The following ITPR2 variants were observed in gnomAD, a reference collection of about 807,000 sequenced individuals.
The protein encoded by ITPR2 is inositol 1,4,5-trisphosphate receptor type 2.
In ITPR2, 207 loss-of-function variants were observed where a neutral mutation model predicts 317.1. The observed-to-expected ratio is 0.65, with a 90% confidence interval of 0.58 to 0.73. The LOEUF is 0.73. Among genes scored for constraint, ITPR2 ranks in the 30% least tolerant of loss-of-function variants. The pLI is 0.00. For synonymous variants in ITPR2, 1,156 were observed against 1,149.1 expected (o/e 1.01, Z -0.12); for missense variants, 2,613 against 3,284.0 (o/e 0.80, Z 4.99).
At chr12:26,830,349 ACAC>A (rs1336057767) in intron 1 of ITPR2, among the ~76,000 whole-genome samples, 1 of 152,262 alleles carries the variant, frequency 6.6e-6, no homozygotes, top group Non-Finnish European at 1.5e-5. Context: ...AACCTTCAAA[ACAC>A]CAACAAAAAA....
At chr12:26,748,077 G>A (rs532988884) in intron 2 of ITPR2, among the ~76,000 whole-genome samples, 2 of 152,068 alleles carry the variant, frequency 1.3e-5, no homozygotes, top group Admixed American at 6.5e-5. Context: ...TTGTTTTTTT[G>A]AGATGGAGTC....
intron 55 of ITPR2, among the ~76,000 whole-genome samples, chr12:26,384,982 A>T (rs923018055): frequency 2.6e-5 from 4 of 152,136 alleles, no homozygotes; most frequent in Admixed American, 6.5e-5. Flanking sequence ...TTCTATGTGA[A>T]CTGTCACAGT....
intron 13 of ITPR2, among the ~76,000 whole-genome samples, chr12:26,674,605 C>A (rs999162884): frequency 6.6e-6 from 1 of 152,124 alleles, no homozygotes; most frequent in Non-Finnish European, 1.5e-5. Context: ...AGAAGAAAAC[C>A]TAGGCATTAC....
chr12:26,716,362 T>G, intron 5 of ITPR2, 120 bp from the exon 6 acceptor site: 1 of 607,272 alleles, frequency 1.6e-6, no homozygotes. Context: ...CCTTTTATCC[T>G]TCACACAAAT....
chr12:26,349,570 C>T (rs1315699292), intron 55 of ITPR2, among the ~76,000 whole-genome samples: 2 of 152,232 alleles, frequency 1.3e-5, no homozygotes, highest in East Asian at 3.8e-4. Context: ...ACATTATATA[C>T]TCACATATTA....
Position 26,595,511 on chromosome 12 carries a change from T to A in ITPR2, c.4334A>T (p.Asn1445Ile). 6.2e-7 allele frequency: 1 copy of A among 1,607,484 alleles called. No individual in the cohort carries two copies. Among genetic ancestry groups the A allele is most frequent in the Non-Finnish European group, 8.5e-7 (1 of 1,178,110 alleles). Residue 1445 changes from asparagine (N) to isoleucine (I), a missense_variant, in exon 32 of 57, where the codon AAC becomes ATC. Physicochemically the swap from Asn to Ile is moderately radical, Grantham distance 149. Transcript: ENST00000381340. ...GTTCTCAAATAATTTCCAAATGTGG[T>A]TACTTGTATAGATTTCTTTCATTTC... ...EVEMKEIYTS[N>I]HIWKLFENFL...
intron 45 of ITPR2, among the ~76,000 whole-genome samples, chr12:26,464,610 T>A (rs945955166): frequency 6.6e-5 from 10 of 152,200 alleles, no homozygotes; most frequent in African/African-American, 2.4e-4. Flanking sequence ...ATTTACTTAC[T>A]CTCTCACTCA....
At chr12:26,802,578 T>C (rs1372112264) in intron 1 of ITPR2, among the ~76,000 whole-genome samples, 2 of 9,086 alleles carry the variant, frequency 2.2e-4, no homozygotes, top group African/African-American at 6.3e-4. Flanking sequence ...GATATAGATA[T>C]AGATATATCT....
At chr12:26,826,261 A>G (rs1202478387) in intron 1 of ITPR2, among the ~76,000 whole-genome samples, 1 of 152,112 alleles carries the variant, frequency 6.6e-6, no homozygotes, top group Non-Finnish European at 1.5e-5. Context: ...TGAGGAAAAT[A>G]TTTTTAAAAC....
chr12:26,686,686 C>T, intron 10 of ITPR2, 54 bp from the exon 11 acceptor site: 3 of 1,466,430 alleles, frequency 2.0e-6, no homozygotes, highest in Non-Finnish European at 2.8e-6. Flanking sequence ...GCTAAACTCT[C>T]CAATTAATCA....
At chr12:26,685,905 T>G (rs144631747) in intron 11 of ITPR2, among the ~76,000 whole-genome samples, 1 of 152,202 alleles carries the variant, frequency 6.6e-6, no homozygotes, top group Non-Finnish European at 1.5e-5. Context: ...TCCTACCTAA[T>G]AGAACTCTCC....
At chr12:26,469,845 C>T (rs929248765) in intron 45 of ITPR2, among the ~76,000 whole-genome samples, 2 of 152,086 alleles carry the variant, frequency 1.3e-5, no homozygotes, top group African/African-American at 4.8e-5. Flanking sequence ...TTTTCTTTGG[C>T]CTGTTCAGTG....
At chr12:26,420,817 T>C (rs1218693849) in intron 49 of ITPR2, among the ~76,000 whole-genome samples, 2 of 152,190 alleles carry the variant, frequency 1.3e-5, no homozygotes, top group Non-Finnish European at 2.9e-5. Context: ...ATATGACATA[T>C]TTAACAATAA....
chr12:26,405,268 C>T (rs1365716098), intron 52 of ITPR2, among the ~76,000 whole-genome samples: 2 of 152,078 alleles, frequency 1.3e-5, no homozygotes, highest in African/African-American at 2.4e-5. Flanking sequence ...TAAATATATA[C>T]CTATGAAGAA....
At chr12:26,702,086 T>G (rs939290652) in intron 9 of ITPR2, among the ~76,000 whole-genome samples, 2 of 152,124 alleles carry the variant, frequency 1.3e-5, no homozygotes, top group Non-Finnish European at 2.9e-5. Context: ...TAAAATTACT[T>G]TCTCCCTCAC....
intron 2 of ITPR2, among the ~76,000 whole-genome samples, chr12:26,788,058 G>T (rs1215577767): frequency 6.6e-6 from 1 of 151,852 alleles, no homozygotes; most frequent in African/African-American, 2.4e-5. Flanking sequence ...GAGTGGCTGG[G>T]ATTACAGGCA....
chr12:26,777,964 C>T (rs781525570), intron 2 of ITPR2, among the ~76,000 whole-genome samples: 1 of 152,094 alleles, frequency 6.6e-6, no homozygotes. Flanking sequence ...TCCAGGGGAC[C>T]CAAAATGTCA....
Position 26,439,222 on chromosome 12 carries a change from GTA to G in ITPR2, c.6546_6547del (p.Thr2183AsnfsTer2), listed in dbSNP as rs780549467. The G allele has an allele frequency of 1.9e-6, 3 of 1,612,804 alleles. No individual in the cohort carries two copies. The highest frequency in any genetic ancestry group is 2.5e-6 in the Non-Finnish European group (3 of 1,179,078). On this transcript the variant is annotated frameshift_variant, in exon 47 of 57. Coordinates refer to ENST00000381340, the MANE Select transcript of ITPR2 (RefSeq NM_002223.4). LOFTEE classifies it high-confidence loss of function. ...ACTTCCTTGTTCATCCCTTTCAGTT[GTA>G]TTGAACACACGGCACTTGGATTCTC...
intron 47 of ITPR2, among the ~76,000 whole-genome samples, chr12:26,437,975 G>C (rs1941398317): frequency 6.6e-6 from 1 of 152,000 alleles, no homozygotes; most frequent in Non-Finnish European, 1.5e-5. Context: ...CTAATTTTTT[G>C]TATTTTTGGT....
Sources: gnomAD v4.1 joint callset for allele counts (sites outside exome capture counted in the v4.1 genomes callset) on GRCh38, gnomAD v4.1.1 for gene constraint, MANE v1.5 for transcripts, NCBI Gene and HGNC (gene_info 2026-07-23, HGNC 2026-07-21) for gene names.